Variants in ZNF701 observed in about 807,000 individuals in gnomAD.
ZNF701 encodes the protein zinc finger protein 701.
ZNF701 carries 6 observed loss-of-function variants against 7.1 expected under a neutral mutation model. The ratio of observed to expected loss-of-function variants is 0.84; its 90% CI spans 0.46 to 1.66. The LOEUF is 1.66. ZNF701 is among the 40% of genes most tolerant of loss of function. The pLI, the probability that ZNF701 is intolerant of heterozygous loss-of-function variation, is 0.01. For synonymous variants in ZNF701, 166 were observed against 188.2 expected (o/e 0.88, Z 0.97); for missense variants, 541 against 559.2 (o/e 0.97, Z 0.33).
At position 52,571,518 on chromosome 19, in the gene ZNF701, C is replaced by G. The variant is rs1366309164; in HGVS notation, c.-72+1188C>G. On this transcript the variant is annotated intron_variant, in intron 1 of 3. Transcript: ENST00000391785. ...GATTAAATAAGACGTGAGGATGGAG[C>G]CCAGGTAATTTTTGTATTTTTAGTA... Among the ~76,000 whole-genome samples, 4 of 152,148 alleles carry G rather than the reference C, an allele frequency of 2.6e-5. No homozygotes were observed. The South Asian group carries it at 8.3e-4, about 32-fold the overall frequency.
chr19:52,593,458 GC>G, the ZNF701 span, among the ~76,000 whole-genome samples: 2 of 114,228 alleles, frequency 1.8e-5, 1 homozygote, highest in African/African-American at 6.8e-5. Context: ...GGGCAGAGGG[GC>G]TCCTCACTTC....
At chr19:52,572,004 G>A (rs865779403) in intron 1 of ZNF701, among the ~76,000 whole-genome samples, 34 of 152,016 alleles carry the variant, frequency 2.2e-4, no homozygotes, top group African/African-American at 8.0e-4. Flanking sequence ...TGTATTTTTA[G>A]TAGAGATGGG....
the ZNF701 span, chr19:52,595,479 C>T: frequency 1.1e-5 from 4 of 355,878 alleles, no homozygotes; most frequent in South Asian, 7.3e-5. Context: ...ACCATGTTAG[C>T]GAGGATGGTC....
chr19:52,574,098 T>C lies in ZNF701; in HGVS notation c.-50T>C, dbSNP rs980584590. Reference sequence around the variant, plus strand: ...TCAGGATTGACTTCTAAAGACTTGGTACGTGAGGAAAAAACACGGAAGAGG... The same window carrying C: ...TCAGGATTGACTTCTAAAGACTTGGCACGTGAGGAAAAAACACGGAAGAGG... On this transcript the variant is annotated 5_prime_UTR_variant, in exon 2 of 4. Transcript: ENST00000391785. The C allele has an allele frequency of 2.5e-6, 4 of 1,612,152 alleles. No individual in the cohort carries two copies. Among genetic ancestry groups the C allele is most frequent in the Non-Finnish European group, 3.4e-6 (4 of 1,179,352 alleles).
At chr19:52,588,001 G>A (rs557723982), downstream of ZNF701, among the ~76,000 whole-genome samples, 1 of 152,290 alleles carries the variant, frequency 6.6e-6, no homozygotes, top group South Asian at 2.1e-4. Context: ...TTGCTGCATC[G>A]TGTGCGTGGA....
At chr19:52,577,185 C>T (rs2059940268) in intron 3 of ZNF701, among the ~76,000 whole-genome samples, 1 of 152,142 alleles carries the variant, frequency 6.6e-6, no homozygotes, top group African/African-American at 2.4e-5. Flanking sequence ...CAGCAGCCTC[C>T]ACCTCCCAGG....
chr19:52,597,281 C>T, the ZNF701 span: 1 of 545,640 alleles, frequency 1.8e-6, no homozygotes, highest in Non-Finnish European at 3.7e-6. Flanking sequence ...GTGGCAAAGT[C>T]TTGACTTCAC....
At chr19:52,574,506 A>G (rs531299597) in intron 2 of ZNF701, among the ~76,000 whole-genome samples, 1 of 152,336 alleles carries the variant, frequency 6.6e-6, no homozygotes, top group East Asian at 1.9e-4. Flanking sequence ...GACCAGGATT[A>G]GAGCAGCTGC....
downstream of ZNF701, chr19:52,591,916 A>G (rs1455389441): frequency 3.6e-5 from 13 of 357,626 alleles, no homozygotes; most frequent in Admixed American, 5.6e-4. Context: ...GGATTTTAAA[A>G]TCTATCAAGG....
the ZNF701 span, chr19:52,595,756 T>G: frequency 5.0e-6 from 8 of 1,587,552 alleles, no homozygotes; most frequent in African/African-American, 1.1e-4. Context: ...AGAAAGATAT[T>G]CATCACTTTG....
At chr19:52,575,827 C>T (rs2059930806) in intron 2 of ZNF701, 68 bp from the exon 3 acceptor site, 1 of 1,067,596 alleles carries the variant, frequency 9.4e-7, no homozygotes, top group Non-Finnish European at 1.3e-6. Flanking sequence ...CCCCTCTCCT[C>T]TTCTCATTTT....
the ZNF701 span, among the ~76,000 whole-genome samples, chr19:52,595,068 G>A: frequency 1.3e-5 from 2 of 152,086 alleles, no homozygotes; most frequent in South Asian, 4.1e-4. Context: ...TGCAACCTCC[G>A]CCTCCTGGGT....
At position 52,583,337 on chromosome 19, in the gene ZNF701, A is replaced by C. The variant is rs748176936; in HGVS notation, c.1278A>C (p.Ala426=). ...GKVFNHKSNL[A]CHRRLHTGEK... ...TTTTTAATCACAAATCAAACCTTGC[A>C]TGTCATCGTAGACTTCATACTGGAG... Residue 426 remains alanine, a synonymous_variant, in exon 4 of 4, where the codon GCA becomes GCC. Transcript: ENST00000391785. The C allele has an allele frequency of 1.2e-6, 2 of 1,604,824 alleles. No individual in the cohort carries two copies. The highest frequency in any genetic ancestry group is 1.7e-5 in the Admixed American group (1 of 59,860).
At chr19:52,575,684 A>G in intron 2 of ZNF701, 1 of 387,220 alleles carries the variant, frequency 2.6e-6, no homozygotes, top group Non-Finnish European at 4.8e-6. Context: ...TTTCTAACGT[A>G]AGCAATTCAT....
rs575661254 is a variant in ZNF701, at chr19:52,576,831, A to G, written c.142+810A>G. Among the ~76,000 whole-genome samples the G allele has an allele frequency of 7.9e-5, 12 of 152,292 alleles. 1 individual carries two copies. Among genetic ancestry groups the G allele is most frequent in the Non-Finnish European group, 1.3e-4 (9 of 68,032 alleles). ...TTTTATAAGCAGGAGTCTCATGCTGATATGTTATCTCCATGTTGGAGCAAG... is the reference window on the plus strand; with the variant it reads ...TTTTATAAGCAGGAGTCTCATGCTGGTATGTTATCTCCATGTTGGAGCAAG... On this transcript the variant is annotated intron_variant, in intron 3 of 3. Coordinates refer to ENST00000391785, the MANE Select transcript of ZNF701 (RefSeq NM_018260.3).
At chr19:52,593,529 C>T in the ZNF701 span, among the ~76,000 whole-genome samples, 2 of 111,594 alleles carry the variant, frequency 1.8e-5, no homozygotes, top group East Asian at 2.4e-4. Context: ...GCTGGCCGGG[C>T]GGGGGGCTGA....
chr19:52,590,350 C>A (rs1010754980), downstream of ZNF701, among the ~76,000 whole-genome samples: 1 of 152,172 alleles, frequency 6.6e-6, no homozygotes, highest in South Asian at 2.1e-4. Flanking sequence ...GATCCACCCA[C>A]CTCGGCTTTC....
At position 52,580,384 on chromosome 19, in the gene ZNF701, C is replaced by A. The variant is rs945859140; in HGVS notation, c.143-1818C>A. ...GGATTACAGGTACCCACCACCGTGC[C>A]CAGCTAATGTTTTTGTATTTTTAGT... On this transcript the variant is annotated intron_variant, in intron 3 of 3. Transcript: ENST00000391785. Among the ~76,000 whole-genome samples the A allele has an allele frequency of 5.7e-4, 87 of 152,032 alleles. 1 individual carries two copies. The highest frequency in any genetic ancestry group is 2.0e-3 in the African/African-American group (83 of 41,474).
At chr19:52,588,420 AG>A (rs1174106382), downstream of ZNF701, 1 of 159,304 alleles carries the variant, frequency 6.3e-6, no homozygotes, top group Non-Finnish European at 1.4e-5. Flanking sequence ...AGGGAGGCAG[AG>A]GTTGCAGTGA....
Sources: gnomAD v4.1 joint callset for allele counts (sites outside exome capture counted in the v4.1 genomes callset) on GRCh38, gnomAD v4.1.1 for gene constraint, MANE v1.5 for transcripts, NCBI Gene and HGNC (gene_info 2026-07-23, HGNC 2026-07-21) for gene names.